Variants in TRIO observed in about 807,000 individuals in gnomAD.
TRIO encodes the protein triple functional domain protein.
In TRIO, 58 loss-of-function variants were observed where a neutral mutation model predicts 351.9. That is an observed-to-expected ratio of 0.16 (90% CI 0.13 to 0.21). The LOEUF is 0.21. Ranked by LOEUF, TRIO falls within the 10% of genes least tolerant of loss-of-function variation. TRIO has a pLI of 1.00. For synonymous variants in TRIO, 1,758 were observed against 1,595.7 expected, an observed-to-expected ratio of 1.10 and a Z score of -2.42; for missense variants, 3,201 against 4,027.8, an observed-to-expected ratio of 0.79 and a Z score of 5.56.
At chr5:14,348,884 ATG>A (rs528399991) in intron 11 of TRIO, among the ~76,000 whole-genome samples, 29 of 111,832 alleles carry the variant, frequency 2.6e-4, no homozygotes, top group Admixed American at 1.0e-3. Context: ...GCACATGAGC[ATG>A]TGTTTTTCCT....
At chr5:14,300,491 G>A (rs1431694093) in intron 7 of TRIO, among the ~76,000 whole-genome samples, 1 of 152,168 alleles carries the variant, frequency 6.6e-6, no homozygotes, top group Non-Finnish European at 1.5e-5. Context: ...CTATCCACTC[G>A]GGTAGTGCTT....
At position 14,509,130 on chromosome 5, in the gene TRIO, A is replaced by G; in HGVS notation, c.*708A>G. On this transcript the variant is annotated 3_prime_UTR_variant, in exon 57 of 57. Coordinates refer to ENST00000344204, the MANE Select transcript of TRIO (RefSeq NM_007118.4). ...GAGGGTCTTCCCATCACATGAAGAC[A>G]TCAGGTTGGGTCCTGCCCCACTGCC... 1 of 221,488 alleles carries G rather than the reference A, an allele frequency of 4.5e-6. No individual in the cohort carries two copies. Among genetic ancestry groups the G allele is most frequent in the Admixed American group, 5.8e-5 (1 of 17,310 alleles). The allele number at this position is 221,488 out of a possible 1,614,324, so 13.7% of individuals were successfully genotyped here. A position where few individuals can be genotyped will look rare whatever the true frequency, so the allele number is the denominator to read the frequency against.
rs185639811 is a variant in TRIO, at chr5:14,265,656, G to A, written c.158-5169G>A. 1.3e-3 allele frequency among the ~76,000 whole-genome samples: 201 copies of A among 152,272 alleles called. No individual in the cohort carries two copies. In the East Asian group the frequency reaches 0.014, roughly 10 times the overall value. On this transcript the variant is annotated intron_variant, in intron 1 of 56. Coordinates refer to ENST00000344204, the MANE Select transcript of TRIO (RefSeq NM_007118.4). Reference sequence around the variant, plus strand: ...ATGCCACAGAAGTGACCAAGTGAGCGAGCATTCTGGTCATCAGTGACTAGC... The same window carrying A: ...ATGCCACAGAAGTGACCAAGTGAGCAAGCATTCTGGTCATCAGTGACTAGC...
rs1166285904 is a variant in TRIO at position 14,390,574 on chromosome 5, CCTT to C, written c.4128+277_4128+279del. On this transcript the variant is annotated intron_variant, in intron 26 of 56. Transcript: ENST00000344204. ...ATTTGCTGATAGGTGAGTTCCCAGTCCTTCTGGGGGATCGTCTAGTCTAGAGGG... is the reference window on the plus strand; with the variant it reads ...ATTTGCTGATAGGTGAGTTCCCAGTCCTGGGGGATCGTCTAGTCTAGAGGG... 1.5e-5 allele frequency: 8 copies of C among 539,868 alleles called. No individual in the cohort carries two copies. The Admixed American group carries it at 1.8e-4, about 12-fold the overall frequency. The allele number at this position is 539,868 out of a possible 1,614,324, so 33.4% of individuals were successfully genotyped here. A position where few individuals can be genotyped will look rare whatever the true frequency, so the allele number is the denominator to read the frequency against.
intron 1 of TRIO, among the ~76,000 whole-genome samples, chr5:14,248,655 ATCTTGTTCATCC>A (rs1262522722): frequency 6.6e-6 from 1 of 152,128 alleles, no homozygotes; most frequent in Non-Finnish European, 1.5e-5. Flanking sequence ...CTGCCCACCT[ATCTTGTTCATCC>A]TCCCTCGCTG....
chr5:14,255,655 A>G (rs1794984385), intron 1 of TRIO, among the ~76,000 whole-genome samples: 1 of 152,256 alleles, frequency 6.6e-6, no homozygotes, highest in African/African-American at 2.4e-5. Flanking sequence ...GATGAGACTC[A>G]AGACCAAACA....
chr5:14,400,862 T>A, intron 30 of TRIO, 101 bp from the exon 31 acceptor site: 1 of 1,018,460 alleles, frequency 9.8e-7, no homozygotes. Flanking sequence ...TCTTATAACC[T>A]AACATGGCCA....
In TRIO at chr5:14,348,914, C is replaced by T. The variant is rs558317631; in HGVS notation, c.2047-9264C>T. Among the ~76,000 whole-genome samples the T allele has an allele frequency of 2.4e-4, 34 of 139,928 alleles. 1 individual carries two copies. In the South Asian group the frequency reaches 6.3e-3, roughly 26 times the overall value. 91.8% of individuals were successfully genotyped at this position (139,928 alleles called of 152,430 possible). ...TTTTTCCTGCATGTTTGTGTGTGTA[C>T]GCACGTGAGCATGTGTTTTTCCTGT... On this transcript the variant is annotated intron_variant, in intron 11 of 56. Transcript: ENST00000344204.
chr5:14,312,323 A>C (rs1255657606), intron 8 of TRIO, among the ~76,000 whole-genome samples: 1 of 152,274 alleles, frequency 6.6e-6, no homozygotes, highest in Non-Finnish European at 1.5e-5. Flanking sequence ...AATATTAGGA[A>C]CAAACATATC....
chr5:14,345,290 C>T (rs1410227112), intron 11 of TRIO, among the ~76,000 whole-genome samples: 2 of 152,234 alleles, frequency 1.3e-5, no homozygotes, highest in Admixed American at 6.5e-5. Context: ...AGATGATTAT[C>T]GGATGAAGGA....
chr5:14,198,271 G>T (rs1258506769), intron 1 of TRIO, among the ~76,000 whole-genome samples: 1 of 152,084 alleles, frequency 6.6e-6, no homozygotes, highest in Non-Finnish European at 1.5e-5. Flanking sequence ...TTTTTCACCT[G>T]CCACTGTATC....
intron 1 of TRIO, among the ~76,000 whole-genome samples, chr5:14,207,227 C>G (rs1402942661): frequency 6.6e-6 from 1 of 151,110 alleles, no homozygotes. Context: ...GCTAGGAGTT[C>G]AGGACCAGCC....
chr5:14,279,658 TGTCA>T lies in TRIO; in HGVS notation c.233-663_233-660del, dbSNP rs201068094. ...CAAGAAATCGTTCTGCCTGCCTGTC[TGTCA>T]AAGTCACATACTCTGAGATTTGTAC... On this transcript the variant is annotated intron_variant, in intron 2 of 56. Transcript: ENST00000344204. Among the ~76,000 whole-genome samples the T allele has an allele frequency of 6.8e-3, 1,041 of 152,360 alleles. 15 individuals are homozygous for T. The highest frequency in any genetic ancestry group is 0.024 in the African/African-American group (996 of 41,584).
chr5:14,439,012 G>GT (rs559207280), intron 34 of TRIO, among the ~76,000 whole-genome samples: 2,970 of 151,474 alleles, frequency 0.02, 99 homozygotes, highest in African/African-American at 0.068. Context: ...GAACTTGAGG[G>GT]TTTTTTTTTG....
intron 10 of TRIO, among the ~76,000 whole-genome samples, chr5:14,334,839 G>A (rs1741246860): frequency 6.6e-6 from 1 of 152,230 alleles, no homozygotes; most frequent in Non-Finnish European, 1.5e-5. Context: ...GTAGGCAAGA[G>A]TGCAGGCAGA....
chr5:14,479,076 T>C (rs1755321321), intron 41 of TRIO, among the ~76,000 whole-genome samples, 185 bp from the exon 42 acceptor site: 1 of 152,226 alleles, frequency 6.6e-6, no homozygotes, highest in African/African-American at 2.4e-5. Flanking sequence ...AGGACTGGTT[T>C]TGGAGCCACA....
At position 14,508,547 on chromosome 5, in the gene TRIO, C is replaced by G; in HGVS notation, c.*125C>G. 1 of 1,255,586 alleles carries G rather than the reference C, an allele frequency of 8.0e-7. No individual in the cohort carries two copies. The highest frequency in any genetic ancestry group is 1.1e-6 in the Non-Finnish European group (1 of 910,864). The allele number at this position is 1,255,586 out of a possible 1,614,324, so 77.8% of individuals were successfully genotyped here. ...TATGTTCATCGTGTGAAATTGCATTCCAAGTGAGCTGTGCTCAGCAGTGCT... is the reference window on the plus strand; with the variant it reads ...TATGTTCATCGTGTGAAATTGCATTGCAAGTGAGCTGTGCTCAGCAGTGCT... On this transcript the variant is annotated 3_prime_UTR_variant, in exon 57 of 57. Transcript: ENST00000344204.
At chr5:14,439,057 C>T (rs1028565001) in intron 34 of TRIO, among the ~76,000 whole-genome samples, 1 of 152,140 alleles carries the variant, frequency 6.6e-6, no homozygotes, top group Non-Finnish European at 1.5e-5. Flanking sequence ...AGTCTGTCAC[C>T]TAGGCTAGAG....
At chr5:14,228,648 G>A (rs765302800) in intron 1 of TRIO, among the ~76,000 whole-genome samples, 1 of 152,182 alleles carries the variant, frequency 6.6e-6, no homozygotes, top group Non-Finnish European at 1.5e-5. Context: ...TTTTGACTAA[G>A]TTTTTTGGAA....
Sources: gnomAD v4.1 joint callset for allele counts (sites outside exome capture counted in the v4.1 genomes callset) on GRCh38, gnomAD v4.1.1 for gene constraint, MANE v1.5 for transcripts, NCBI Gene and HGNC (gene_info 2026-07-23, HGNC 2026-07-21) for gene names.